The following RBFOX1 variants were observed in gnomAD, a reference collection of about 807,000 sequenced individuals.
The protein encoded by RBFOX1 is RNA binding fox-1 homolog 1.
In RBFOX1, 8 loss-of-function variants were observed where a neutral mutation model predicts 57.7. The ratio of observed to expected loss-of-function variants is 0.14; its 90% CI spans 0.08 to 0.25. The LOEUF is 0.25. Among genes scored for constraint, RBFOX1 ranks in the 10% least tolerant of loss-of-function variants. The probability of loss-of-function intolerance (pLI) is 1.00; values close to 1 mark genes in which losing one functional copy is unlikely to be tolerated. For missense variants in RBFOX1, 611 were observed against 548.5 expected (o/e 1.11, Z -1.14); for synonymous variants, 326 against 222.4 (o/e 1.47, Z -4.15).
intron 2 of RBFOX1, among the ~76,000 whole-genome samples, chr16:5,555,277 G>A (rs992008289): frequency 6.6e-6 from 1 of 151,938 alleles, no homozygotes; most frequent in South Asian, 2.1e-4. Context: ...TTTTGAGATG[G>A]AGTCTCACTC....
chr16:6,565,768 C>T (rs968455634), intron 2 of RBFOX1, among the ~76,000 whole-genome samples: 2 of 152,184 alleles, frequency 1.3e-5, no homozygotes, highest in Admixed American at 6.5e-5. Flanking sequence ...GCACCCAGCT[C>T]ACTTTTTCTT....
intron 3 of RBFOX1, among the ~76,000 whole-genome samples, chr16:7,006,178 G>A (rs915887322): frequency 2.0e-5 from 3 of 151,848 alleles, no homozygotes; most frequent in Admixed American, 1.3e-4. Flanking sequence ...TTGAGATGGA[G>A]TCTCACTCTG....
At chr16:6,631,148 G>A (rs1312554232) in intron 2 of RBFOX1, among the ~76,000 whole-genome samples, 3 of 152,224 alleles carry the variant, frequency 2.0e-5, no homozygotes, top group East Asian at 1.9e-4. Flanking sequence ...AGAAAATTTA[G>A]AAGGTCAAAG....
intron 3 of RBFOX1, among the ~76,000 whole-genome samples, chr16:5,623,757 C>A (rs2151287642): frequency 1.3e-5 from 2 of 152,222 alleles, no homozygotes; most frequent in Middle Eastern, 3.4e-3. Context: ...TTTTTCTCCC[C>A]CATCTCTCCC....
chr16:6,697,605 G>C (rs2061246394), intron 3 of RBFOX1, among the ~76,000 whole-genome samples: 2 of 152,204 alleles, frequency 1.3e-5, no homozygotes, highest in African/African-American at 4.8e-5. Flanking sequence ...TTCTGTGTTG[G>C]TGGATGGAAT....
chr16:7,507,815 G>A (rs940231240), intron 4 of RBFOX1, among the ~76,000 whole-genome samples: 19 of 151,912 alleles, frequency 1.3e-4, no homozygotes, highest in African/African-American at 4.6e-4. Context: ...CGCCCGCCTC[G>A]GTCTTCCAAA....
chr16:5,767,660 G>A (rs1317644625), intron 3 of RBFOX1, among the ~76,000 whole-genome samples: 1 of 152,126 alleles, frequency 6.6e-6, no homozygotes, highest in Non-Finnish European at 1.5e-5. Flanking sequence ...CTTCCCCTTG[G>A]TATTTATAGG....
chr16:5,467,181 T>TCC, intron 1 of RBFOX1: 1 of 1,442,824 alleles, frequency 6.9e-7, no homozygotes, highest in Non-Finnish European at 9.3e-7. Context: ...TTCTTCTCTC[T>TCC]CTCTCTCTCT....
chr16:7,098,605 C>T (rs1014723311), intron 4 of RBFOX1, among the ~76,000 whole-genome samples: 3 of 152,086 alleles, frequency 2.0e-5, no homozygotes, highest in Non-Finnish European at 4.4e-5. Flanking sequence ...GGTAATAACA[C>T]AGGAAATTCA....
At chr16:5,466,413 A>G (rs1023163921) in intron 1 of RBFOX1, among the ~76,000 whole-genome samples, 1 of 151,962 alleles carries the variant, frequency 6.6e-6, no homozygotes, top group African/African-American at 2.4e-5. Flanking sequence ...TCCTGACCCA[A>G]CGGAGGTGCT....
chr16:6,202,364 C>G (rs2097220673), intron 1 of RBFOX1, among the ~76,000 whole-genome samples: 1 of 152,108 alleles, frequency 6.6e-6, no homozygotes, highest in Non-Finnish European at 1.5e-5. Flanking sequence ...TCTTGCCATC[C>G]CCATTGACTG....
At chr16:5,702,655 A>C (rs2051094122) in intron 3 of RBFOX1, among the ~76,000 whole-genome samples, 1 of 152,222 alleles carries the variant, frequency 6.6e-6, no homozygotes, top group Admixed American at 6.5e-5. Context: ...CTATAACCTC[A>C]ATGAATGTTA....
At position 6,771,069 on chromosome 16, in the gene RBFOX1, G is replaced by A. The variant is rs201465489; in HGVS notation, c.-16+116419G>A. Reference sequence around the variant, plus strand: ...TTCATGAGGTTATTAGGTTGGGCCCGAATCCAGTGTGTTTGGTGTCCTTAT... The same window carrying A: ...TTCATGAGGTTATTAGGTTGGGCCCAAATCCAGTGTGTTTGGTGTCCTTAT... On this transcript the variant is annotated intron_variant, in intron 3 of 15. Coordinates refer to ENST00000550418, the MANE Select transcript of RBFOX1 (RefSeq NM_018723.4). Among the ~76,000 whole-genome samples, 13 of 152,162 alleles carry A rather than the reference G, an allele frequency of 8.5e-5. No individual in the cohort carries two copies. The South Asian group carries it at 1.2e-3, about 15-fold the overall frequency.
At chr16:6,467,899 T>C (rs1253560375) in intron 2 of RBFOX1, among the ~76,000 whole-genome samples, 1 of 152,258 alleles carries the variant, frequency 6.6e-6, no homozygotes, top group African/African-American at 2.4e-5. Context: ...CATCCCTTTG[T>C]TGAAACTGTA....
intron 2 of RBFOX1, among the ~76,000 whole-genome samples, chr16:5,499,960 T>A (rs1400735547): frequency 6.6e-6 from 1 of 152,236 alleles, no homozygotes; most frequent in Admixed American, 6.5e-5. Flanking sequence ...TTATTTCGTA[T>A]CTGCTACATT....
intron 3 of RBFOX1, among the ~76,000 whole-genome samples, chr16:5,619,812 C>T (rs762593195): frequency 1.6e-4 from 24 of 152,044 alleles, no homozygotes; most frequent in South Asian, 6.2e-4. Flanking sequence ...ACTGAGTTTC[C>T]GTGAAGGCAG....
intron 4 of RBFOX1, among the ~76,000 whole-genome samples, chr16:7,157,511 G>A (rs2077398962): frequency 6.6e-6 from 1 of 152,064 alleles, no homozygotes; most frequent in South Asian, 2.1e-4. Flanking sequence ...GGGGGCCTGT[G>A]GAACTATTCA....
chr16:6,490,531 G>C (rs2095608796), intron 2 of RBFOX1, among the ~76,000 whole-genome samples: 1 of 152,198 alleles, frequency 6.6e-6, no homozygotes, highest in Non-Finnish European at 1.5e-5. Context: ...CGTTACTTAA[G>C]TGTTAGGCAT....
chr16:6,652,650 T>A lies in RBFOX1; in HGVS notation c.-63-1953T>A, dbSNP rs373779123. ...ATAAACTTCAGTCGTTGAAGTCACC[T>A]AGTCTGTAATATTTTTTATGGCATT... On this transcript the variant is annotated intron_variant, in intron 2 of 15. Transcript: ENST00000550418. Among the ~76,000 whole-genome samples, 31 of 152,224 alleles carry A rather than the reference T, an allele frequency of 2.0e-4. 1 individual carries two copies. In the East Asian group the frequency reaches 5.0e-3, roughly 25 times the overall value.
Sources: allele counts gnomAD v4.1 joint callset (sites outside exome capture counted in the v4.1 genomes callset), GRCh38; gene constraint gnomAD v4.1.1; transcripts MANE v1.5; gene names NCBI Gene and HGNC (gene_info 2026-07-23, HGNC 2026-07-21).